Variants in TRAPPC10 observed in about 807,000 individuals in gnomAD.
The protein encoded by TRAPPC10 is trafficking protein particle complex subunit 10.
Under a neutral mutation model 125.5 loss-of-function variants are expected in TRAPPC10, and 23 were observed. The observed-to-expected ratio is 0.18, with a 90% CI of 0.13 to 0.26. TRAPPC10 has a LOEUF of 0.26. Among genes scored for constraint, TRAPPC10 ranks in the 10% least tolerant of loss-of-function variants. TRAPPC10 has a pLI of 1.00. For synonymous variants in TRAPPC10, 509 were observed against 518.0 expected (o/e 0.98, Z 0.24); for missense variants, 1,123 against 1,308.4 (o/e 0.86, Z 2.19).
intron 3 of TRAPPC10, among the ~76,000 whole-genome samples, chr21:44,049,474 C>T (rs1159469158): frequency 6.6e-6 from 1 of 152,218 alleles, no homozygotes; most frequent in African/African-American, 2.4e-5. Flanking sequence ...CAGACTTCCT[C>T]CTCACCTCAC....
intron 6 of TRAPPC10, chr21:44,062,614 C>T (rs999940502): frequency 1.5e-5 from 15 of 984,638 alleles, no homozygotes; most frequent in Admixed American, 6.2e-5. Flanking sequence ...CTCCACACTG[C>T]TGGGTGCTCC....
intron 7 of TRAPPC10, among the ~76,000 whole-genome samples, chr21:44,073,412 A>G (rs80009900): frequency 4.6e-5 from 7 of 152,226 alleles, no homozygotes; most frequent in Non-Finnish European, 7.3e-5. Context: ...ATTGCCACTT[A>G]AAAGTGTAAG....
chr21:44,033,716 A>T (rs1197396802), intron 2 of TRAPPC10, among the ~76,000 whole-genome samples: 1 of 152,116 alleles, frequency 6.6e-6, no homozygotes, highest in African/African-American at 2.4e-5. Flanking sequence ...AAATAAAATT[A>T]GCTGGACATG....
chr21:44,065,184 G>A (rs2036349196), intron 7 of TRAPPC10, among the ~76,000 whole-genome samples: 1 of 152,192 alleles, frequency 6.6e-6, no homozygotes, highest in African/African-American at 2.4e-5. Context: ...TGATTGGAGA[G>A]GGCTGTTAGT....
intron 3 of TRAPPC10, among the ~76,000 whole-genome samples, chr21:44,050,402 G>C (rs1287038731): frequency 6.6e-6 from 1 of 152,104 alleles, no homozygotes; most frequent in Non-Finnish European, 1.5e-5. Context: ...TTCTGGGGTG[G>C]GGGTGGGGAG....
At chr21:44,016,807 C>A (rs767142865) in intron 1 of TRAPPC10, among the ~76,000 whole-genome samples, 1 of 152,198 alleles carries the variant, frequency 6.6e-6, no homozygotes, top group East Asian at 1.9e-4. Context: ...TACAGGCGCC[C>A]GCCACCACGC....
intron 1 of TRAPPC10, 40 bp downstream of exon 1, chr21:44,012,600 G>A: frequency 1.3e-6 from 2 of 1,509,488 alleles, no homozygotes; most frequent in East Asian, 2.5e-5. Flanking sequence ...CGGTCGTTGG[G>A]CGGGCCCGGG....
chr21:44,016,347 C>G (rs1246532342), intron 1 of TRAPPC10, among the ~76,000 whole-genome samples: 1 of 152,176 alleles, frequency 6.6e-6, no homozygotes, highest in African/African-American at 2.4e-5. Context: ...CAGTTAGTGA[C>G]AAAGTTAATG....
At chr21:44,045,190 C>T (rs976819763) in intron 3 of TRAPPC10, among the ~76,000 whole-genome samples, 2 of 152,160 alleles carry the variant, frequency 1.3e-5, no homozygotes. Flanking sequence ...GCCTCTGCCT[C>T]CCAAAGTGCT....
intron 6 of TRAPPC10, among the ~76,000 whole-genome samples, chr21:44,061,726 T>C (rs1332213911): frequency 6.6e-6 from 1 of 152,260 alleles, no homozygotes; most frequent in Non-Finnish European, 1.5e-5. Context: ...AGTCTTTTCA[T>C]GGAGAACTCC....
intron 19 of TRAPPC10, among the ~76,000 whole-genome samples, chr21:44,092,990 T>C (rs2038691700): frequency 1.3e-5 from 2 of 152,042 alleles, no homozygotes; most frequent in South Asian, 4.1e-4. Flanking sequence ...AGAGACGTGG[T>C]TTCACCATGT....
At position 44,032,153 on chromosome 21, in the gene TRAPPC10, G is replaced by C; in HGVS notation, c.130G>C (p.Glu44Gln). 1 of 1,613,842 alleles carries C rather than the reference G, an allele frequency of 6.2e-7. No individual in the cohort carries two copies. Among genetic ancestry groups the C allele is most frequent in the Non-Finnish European group, 8.5e-7 (1 of 1,179,888 alleles). The change falls in exon 2 of 23, where the codon GAA becomes CAA. Residue 44 changes from glutamate (E) to glutamine (Q), a missense_variant. This residue lies in a region of TRAPPC10 where 177 missense variants were observed against 228.9 expected (regional missense o/e 0.77). Coordinates refer to ENST00000291574, the MANE Select transcript of TRAPPC10 (RefSeq NM_003274.5). ...AACGCTCTCTCAGCAGCTTCCAAGA[G>C]AACCAATGGAATGGAGAAGGTATGA... Reference protein sequence around the residue: ...YPTLSQQLPREPMEWRRSYGR... With the variant: ...YPTLSQQLPRQPMEWRRSYGR...
At chr21:44,070,531 G>C (rs542620912) in intron 7 of TRAPPC10, among the ~76,000 whole-genome samples, 1 of 152,320 alleles carries the variant, frequency 6.6e-6, no homozygotes, top group East Asian at 1.9e-4. Flanking sequence ...GTTGTGTTGG[G>C]TGCTGTGGCA....
At chr21:44,031,465 C>G (rs2033574010) in intron 1 of TRAPPC10, among the ~76,000 whole-genome samples, 1 of 152,224 alleles carries the variant, frequency 6.6e-6, no homozygotes, top group African/African-American at 2.4e-5. Flanking sequence ...CAGCTGGATT[C>G]CTAACTCGCG....
intron 4 of TRAPPC10, among the ~76,000 whole-genome samples, chr21:44,055,407 T>C (rs986662969): frequency 1.3e-5 from 2 of 151,850 alleles, no homozygotes; most frequent in Non-Finnish European, 2.9e-5. Flanking sequence ...CTGGGCAACA[T>C]AGCAAGACCT....
intron 15 of TRAPPC10, 87 bp downstream of exon 15, chr21:44,084,350 T>C: frequency 7.3e-7 from 1 of 1,372,904 alleles, no homozygotes; most frequent in East Asian, 2.6e-5. Context: ...CTCATAAGTT[T>C]TAGCTGTGTC....
chr21:44,076,590 G>T lies in TRAPPC10; in HGVS notation c.1339G>T (p.Ala447Ser). 6.2e-7 allele frequency: 1 copy of T among 1,614,170 alleles called. No individual in the cohort carries two copies. The highest frequency in any genetic ancestry group is 8.5e-7 in the Non-Finnish European group (1 of 1,179,994). Residue 447 changes from alanine to serine, a missense_variant, in exon 10 of 23, where the codon GCA (alanine) becomes TCA (serine). Ala to Ser is a moderately conservative substitution (Grantham distance 99, BLOSUM62 1). This residue lies in a region of TRAPPC10 where 840 missense variants were observed against 902.0 expected (regional missense o/e 0.93). Coordinates refer to ENST00000291574, the MANE Select transcript of TRAPPC10 (RefSeq NM_003274.5). ...AQSPYKKLKEALSSVEAFEKH... is the reference protein window; with the variant it reads ...AQSPYKKLKESLSSVEAFEKH... ...GAGTCCTTATAAGAAACTGAAAGAAGCATTATCGTCAGTGGAAGCTTTTGA... is the reference window on the plus strand; with the variant it reads ...GAGTCCTTATAAGAAACTGAAAGAATCATTATCGTCAGTGGAAGCTTTTGA...
chr21:44,051,847 A>G (rs2035253228), intron 3 of TRAPPC10, among the ~76,000 whole-genome samples: 1 of 152,200 alleles, frequency 6.6e-6, no homozygotes, highest in African/African-American at 2.4e-5. Flanking sequence ...GGGCTGTGCC[A>G]TGACAGCCAG....
intron 1 of TRAPPC10, among the ~76,000 whole-genome samples, chr21:44,019,515 C>G (rs1186287653): frequency 1.3e-5 from 2 of 152,112 alleles, no homozygotes; most frequent in African/African-American, 4.8e-5. Context: ...AGTATTTTGG[C>G]CTTAGAGAAT....
Sources: allele counts gnomAD v4.1 joint callset (sites outside exome capture counted in the v4.1 genomes callset), GRCh38; gene constraint gnomAD v4.1.1; regional missense constraint gnomAD v4.1.1; transcripts MANE v1.5; gene names NCBI Gene and HGNC (gene_info 2026-07-23, HGNC 2026-07-21).